ZZEF1: variants seen among roughly 807,000 people sequenced by gnomAD.
The protein encoded by ZZEF1 is zinc finger ZZ-type and EF-hand domain containing 1, also known as zinc finger ZZ-type and EF-hand domain-containing protein 1.
Under a neutral mutation model 342.8 loss-of-function variants are expected in ZZEF1, and 157 were observed. The observed-to-expected ratio is 0.46, with a 90% CI of 0.40 to 0.52. The LOEUF (loss-of-function observed/expected upper bound fraction) is 0.52. ZZEF1 is among the 20% of genes least tolerant of loss of function. The pLI, the probability that ZZEF1 is intolerant of heterozygous loss-of-function variation, is 0.00. For synonymous variants in ZZEF1, 1,505 were observed against 1,429.1 expected (o/e 1.05, Z -1.20); for missense variants, 3,480 against 3,725.6 (o/e 0.93, Z 1.72).
chr17:4,117,522 C>T (rs1460487143), intron 2 of ZZEF1, among the ~76,000 whole-genome samples: 1 of 151,870 alleles, frequency 6.6e-6, no homozygotes, highest in Non-Finnish European at 1.5e-5. Context: ...GTGGCAGGCG[C>T]CTGTAATCCC....
At chr17:4,074,092 G>A (rs532854614) in intron 24 of ZZEF1, 58 bp downstream of exon 24, 18 of 1,584,888 alleles carry the variant, frequency 1.1e-5, no homozygotes, top group South Asian at 3.3e-5. Flanking sequence ...GAGGGCAAGC[G>A]CGCATCTTGC....
At chr17:4,138,241 C>A (rs2058786373) in intron 1 of ZZEF1, among the ~76,000 whole-genome samples, 1 of 152,140 alleles carries the variant, frequency 6.6e-6, no homozygotes, top group Non-Finnish European at 1.5e-5. Context: ...CTCTTACAGT[C>A]AATAGTCTTA....
Position 4,112,082 on chromosome 17 carries a change from ATATATATATATGTTT to A in ZZEF1, c.1066+512_1066+526del, listed in dbSNP as rs1332236903. On this transcript the variant is annotated intron_variant, in intron 5 of 54. Coordinates refer to ENST00000381638, the MANE Select transcript of ZZEF1 (RefSeq NM_015113.4). ...TATATATATATATATATATATATAT[ATATATATATATGTTT>A]TGTTTTGTTTTTAATGAAAAAAATG... 1.3e-3 allele frequency among the ~76,000 whole-genome samples: 58 copies of A among 44,744 alleles called. 2 individuals are homozygous for A. The highest frequency in any genetic ancestry group is 1.8e-3 in the Non-Finnish European group (45 of 24,398). 29.4% of individuals were successfully genotyped at this position (44,744 alleles called of 152,430 possible). A position where few individuals can be genotyped will look rare whatever the true frequency, so the allele number is the denominator to read the frequency against.
intron 39 of ZZEF1, among the ~76,000 whole-genome samples, chr17:4,036,367 T>C (rs2056663539): frequency 6.6e-6 from 1 of 151,610 alleles, no homozygotes; most frequent in African/African-American, 2.4e-5. Flanking sequence ...CCAGGAGCAT[T>C]CCCTGAGTTG....
chr17:4,058,054 A>G lies in ZZEF1; in HGVS notation c.5105T>C (p.Leu1702Ser). ...TGACATTTTCATGAGGAGATCTGGTAACTGAATATCAACAAAGAAGGCGAG... is the reference window on the plus strand; with the variant it reads ...TGACATTTTCATGAGGAGATCTGGTGACTGAATATCAACAAAGAAGGCGAG... ...NDLAFFVDIQ[L>S]PDLLMKMSQE... Residue 1702 changes from leucine to serine, a missense_variant, in exon 32 of 55, where the codon TTA (leucine) becomes TCA (serine). Physicochemically the swap from Leu to Ser is moderately radical, Grantham distance 145. This residue lies in a region of ZZEF1 where 1,528 missense variants were observed against 1,624.1 expected (regional missense o/e 0.94). Transcript: ENST00000381638. 2 of 1,614,206 alleles carry G rather than the reference A, an allele frequency of 1.2e-6. No homozygotes were observed. The highest frequency in any genetic ancestry group is 1.7e-6 in the Non-Finnish European group (2 of 1,180,020).
chr17:4,139,051 C>T (rs1261640685), intron 1 of ZZEF1, among the ~76,000 whole-genome samples: 3 of 141,868 alleles, frequency 2.1e-5, no homozygotes, highest in Non-Finnish European at 4.6e-5. Context: ...GCTGCGTGGA[C>T]ACCAATGGCA....
At chr17:4,116,537 C>T (rs2058396419) in intron 3 of ZZEF1, among the ~76,000 whole-genome samples, 1 of 152,224 alleles carries the variant, frequency 6.6e-6, no homozygotes, top group Non-Finnish European at 1.5e-5. Flanking sequence ...TCTGTGGTGG[C>T]TTCCTTCATT....
chr17:4,131,675 G>C (rs1197900973), intron 1 of ZZEF1, among the ~76,000 whole-genome samples: 1 of 152,078 alleles, frequency 6.6e-6, no homozygotes, highest in Non-Finnish European at 1.5e-5. Flanking sequence ...AGCTAGTCGA[G>C]AGGCTGAGGT....
intron 46 of ZZEF1, among the ~76,000 whole-genome samples, chr17:4,019,235 A>G (rs2056199765): frequency 2.0e-5 from 3 of 152,162 alleles, no homozygotes; most frequent in Non-Finnish European, 4.4e-5. Context: ...TGGATTGCAG[A>G]TATGTAAAGT....
chr17:4,022,528 G>T, intron 44 of ZZEF1, 181 bp downstream of exon 44: 1 of 742,388 alleles, frequency 1.3e-6, no homozygotes. Flanking sequence ...TTCCCTGACA[G>T]GGGTAGACAG....
intron 6 of ZZEF1, 74 bp downstream of exon 6, chr17:4,109,579 A>G (rs1430502410): frequency 6.7e-7 from 1 of 1,498,644 alleles, no homozygotes; most frequent in Non-Finnish European, 9.2e-7. Flanking sequence ...AAGGCTGCTC[A>G]GTGATACGCC....
At chr17:4,128,768 ATTTTTTTTTT>A (rs71144169) in intron 1 of ZZEF1, among the ~76,000 whole-genome samples, 4 of 98,236 alleles carry the variant, frequency 4.1e-5, no homozygotes, top group Non-Finnish European at 8.3e-5. Flanking sequence ...GGCCAAAATC[ATTTTTTTTTT>A]TTTTTTTTTT....
chr17:4,007,444 G>T (rs2144907153), intron 54 of ZZEF1, among the ~76,000 whole-genome samples: 1 of 152,308 alleles, frequency 6.6e-6, no homozygotes, highest in African/African-American at 2.4e-5. Flanking sequence ...AGGAAGAGGG[G>T]GTTGGCAGGG....
intron 11 of ZZEF1, among the ~76,000 whole-genome samples, chr17:4,093,068 C>A (rs2057973915): frequency 2.6e-5 from 4 of 151,856 alleles, no homozygotes. Context: ...ATTTAAGAGT[C>A]ATTCAGGCTG....
intron 1 of ZZEF1, among the ~76,000 whole-genome samples, chr17:4,140,152 G>A (rs1236884205): frequency 1.3e-5 from 2 of 152,176 alleles, no homozygotes; most frequent in Admixed American, 6.5e-5. Flanking sequence ...CTGCCTACCT[G>A]GACATTTTCA....
rs535532363 is a variant in ZZEF1 at position 4,104,125 on chromosome 17, A to C, written c.1573+508T>G. On this transcript the variant is annotated intron_variant, in intron 8 of 54. Coordinates refer to ENST00000381638, the MANE Select transcript of ZZEF1 (RefSeq NM_015113.4). ...TGGTAGAAAAGTGCTCATATGAATT[A>C]CTGCTAGGCCCAAGGGGGGAAAGCA... Among the ~76,000 whole-genome samples the C allele has an allele frequency of 4.6e-5, 7 of 152,284 alleles. No individual in the cohort carries two copies. The East Asian group carries it at 1.4e-3, about 29-fold the overall frequency.
intron 18 of ZZEF1, among the ~76,000 whole-genome samples, chr17:4,080,323 T>C (rs1207805649): frequency 9.4e-6 from 1 of 106,476 alleles, no homozygotes; most frequent in Non-Finnish European, 2.4e-5. Context: ...AATCTGAATT[T>C]TTTTTTTGTT....
chr17:4,105,591 A>T, intron 7 of ZZEF1, 102 bp downstream of exon 7: 1 of 925,526 alleles, frequency 1.1e-6, no homozygotes, highest in Non-Finnish European at 1.7e-6. Flanking sequence ...AACCATTTTT[A>T]GTGGTGATCG....
rs183747382 is a variant in ZZEF1 at position 4,049,819 on chromosome 17, C to T, written c.5904G>A (p.Gly1968=). 1.9e-6 allele frequency: 3 copies of T among 1,614,066 alleles called. No individual in the cohort carries two copies. The highest frequency in any genetic ancestry group is 2.7e-5 in the African/African-American group (2 of 75,008). Residue 1968 remains glycine, a synonymous_variant, in exon 37 of 55, where the codon GGG becomes GGA. Coordinates refer to ENST00000381638, the MANE Select transcript of ZZEF1 (RefSeq NM_015113.4). ...GGGCCTGATCTTCTAGGCTCGAGTC[C>T]CCATCTGGCAATACACCCAGCAAAG... ...ALALLGVLPD[G]DSSLEDQALP...
Sources: allele counts gnomAD v4.1 joint callset (sites outside exome capture counted in the v4.1 genomes callset), GRCh38; gene constraint gnomAD v4.1.1; regional missense constraint gnomAD v4.1.1; transcripts MANE v1.5; gene names NCBI Gene and HGNC (gene_info 2026-07-23, HGNC 2026-07-21).